LTA4H: variants seen among roughly 807,000 people sequenced by gnomAD.
LTA4H encodes leukotriene A-4 hydrolase.
LTA4H carries 59 observed loss-of-function variants against 89.8 expected under a neutral mutation model. That is an observed-to-expected ratio of 0.66 (90% confidence interval 0.53 to 0.82). LTA4H has a LOEUF of 0.82. Among genes scored for constraint, LTA4H ranks in the 40% least tolerant of loss-of-function variants. The probability of loss-of-function intolerance (pLI) is 0.00; values close to 1 mark genes in which losing one functional copy is unlikely to be tolerated. For missense variants in LTA4H, 617 were observed against 727.0 expected (o/e 0.85, Z 1.74); for synonymous variants, 227 against 253.1 (o/e 0.90, Z 0.98).
chr12:96,013,306 TC>T (rs770111220), intron 13 of LTA4H, 48 bp from the exon 14 acceptor site: 1 of 1,337,644 alleles, frequency 7.5e-7, no homozygotes, highest in South Asian at 1.2e-5. Context: ...CCCTTTCCTG[TC>T]AAAAAAAAAT....
chr12:96,025,447 C>T (rs1297488412), intron 3 of LTA4H: 5 of 152,206 alleles, frequency 3.3e-5, no homozygotes, highest in East Asian at 3.8e-4. Context: ...AGAACAGTCT[C>T]TTTCAATACC....
chr12:96,035,634 C>T (rs1592902975), upstream of LTA4H: 2 of 1,433,246 alleles, frequency 1.4e-6, no homozygotes, highest in East Asian at 5.2e-5. Context: ...GAGGGATTCG[C>T]GGTGCACGCC....
rs1322799814 is a variant in LTA4H, at chr12:96,002,256, CTT to C, written c.1718+702_1718+703del. On this transcript the variant is annotated intron_variant, in intron 18 of 18. Transcript: ENST00000228740. ...GAAAGCATATAAAATATACTTAAAA[CTT>C]AATTTTGTGGTCACATCAAAAAAGA... Among the ~76,000 whole-genome samples the C allele has an allele frequency of 3.3e-5, 5 of 152,262 alleles. No individual in the cohort carries two copies. In the East Asian group the frequency reaches 9.6e-4, roughly 29 times the overall value.
Position 96,006,345 on chromosome 12 carries a change from A to T in LTA4H, c.1499T>A (p.Leu500Ter). The part of the protein sequence containing the change: ...TDLKDLSSHQ[L>*]NEFLAQTLQR... ...GAGCGTCTGTGCTAAAAACTCATTC[A>T]ATTGATGAGAAGAGAGATCCTTCAG... is the stretch of plus-strand genomic sequence containing the variant. Residue 500 changes from leucine (L) to a stop codon, truncating the protein, a stop_gained, in exon 16 of 19, where the codon TTG becomes TAG. Transcript: ENST00000228740. LOFTEE classifies it high-confidence loss of function. The T allele has an allele frequency of 6.2e-7, 1 of 1,611,644 alleles. No individual in the cohort carries two copies. Among genetic ancestry groups the T allele is most frequent in the Non-Finnish European group, 8.5e-7 (1 of 1,178,764 alleles).
intron 5 of LTA4H, among the ~76,000 whole-genome samples, chr12:96,021,831 A>T (rs1950456889): frequency 6.6e-6 from 1 of 152,108 alleles, no homozygotes; most frequent in South Asian, 2.1e-4. Flanking sequence ...ACTTGCCCAC[A>T]CTGTAGTACC....
intron 4 of LTA4H, among the ~76,000 whole-genome samples, chr12:96,023,240 C>CTG (rs1950474493): frequency 6.6e-6 from 1 of 152,182 alleles, no homozygotes; most frequent in Admixed American, 6.5e-5. Flanking sequence ...ACCAGTGCTA[C>CTG]AACAATTGTA....
rs1425560668 is a variant in LTA4H, at chr12:96,015,639, C to G, written c.1003G>C (p.Gly335Arg). 6.2e-7 allele frequency: 1 copy of G among 1,614,018 alleles called. No homozygotes were observed. The highest frequency in any genetic ancestry group is 1.7e-5 in the Admixed American group (1 of 60,012). The change falls in exon 11 of 19, where the codon GGT becomes CGT. Residue 335 changes from glycine to arginine, a missense_variant. Gly to Arg is a moderately radical substitution (Grantham distance 125). Coordinates refer to ENST00000228740, the MANE Select transcript of LTA4H (RefSeq NM_000895.3). ...LERHICGRLF[G>R]EKFRHFNALG... ...GCATTAAAATGTCTGAACTTTTCAC[C>G]AAACAATCGTCCGCAAATGTGGCGT... is the stretch of plus-strand genomic sequence containing the variant.
chr12:96,037,930 T>A (rs1366439385), upstream of LTA4H, among the ~76,000 whole-genome samples: 1 of 152,144 alleles, frequency 6.6e-6, no homozygotes, highest in Non-Finnish European at 1.5e-5. Context: ...GACCTCGTGA[T>A]CCACCCACCT....
At chr12:96,016,184 T>C (rs931971524) in intron 10 of LTA4H, among the ~76,000 whole-genome samples, 5 of 150,104 alleles carry the variant, frequency 3.3e-5, no homozygotes, top group African/African-American at 1.2e-4. Flanking sequence ...CATGGTGGCG[T>C]GCACCTGTAG....
At chr12:96,004,161 T>G (rs528810936) in intron 16 of LTA4H, among the ~76,000 whole-genome samples, 3 of 152,362 alleles carry the variant, frequency 2.0e-5, no homozygotes, top group African/African-American at 7.2e-5. Flanking sequence ...CAGCATTAAA[T>G]GAGAATTGCT....
Position 96,013,945 on chromosome 12 carries a change from G to GAAC in LTA4H, c.1205-95_1205-93dup, listed in dbSNP as rs1485716550. 3 of 612,260 alleles carry GAAC rather than the reference G, an allele frequency of 4.9e-6. No individual in the cohort carries two copies. In the African/African-American group the frequency reaches 5.7e-5, roughly 12 times the overall value. The allele number at this position is 612,260 out of a possible 1,614,324, so 37.9% of individuals were successfully genotyped here. On this transcript the variant is annotated intron_variant, in intron 12 of 18. Coordinates refer to ENST00000228740, the MANE Select transcript of LTA4H (RefSeq NM_000895.3). ...TTGGCATTGTACTATTAACCACAGAGAACAGAGAACATTCAGAGAATAGGG... is the reference window on the plus strand; with the variant it reads ...TTGGCATTGTACTATTAACCACAGAGAACAACAGAGAACATTCAGAGAATAGGG...
At position 96,024,531 on chromosome 12, in the gene LTA4H, G is replaced by A. The variant is rs773972676; in HGVS notation, c.428C>T (p.Ala143Val). ...FSQCQAIHCR[A>V]ILPCQDTPSV... The stretch of plus-strand genomic sequence containing the variant: ...AGGAGTGTCCTGACAAGGAAGGATT[G>A]CTCTGCAGTGGATGGCCTGAAAAAG... The change falls in exon 4 of 19, where the codon GCA becomes GTA. Residue 143 changes from alanine to valine, a missense_variant. This residue lies in a region of LTA4H where 172 missense variants were observed against 244.5 expected (regional missense o/e 0.70). Transcript: ENST00000228740. 6.2e-7 allele frequency: 1 copy of A among 1,610,824 alleles called. No individual in the cohort carries two copies. The highest frequency in any genetic ancestry group is 8.5e-7 in the Non-Finnish European group (1 of 1,177,300).
chr12:96,042,008 G>C (rs1430283632), intron 1 of LTA4H, among the ~76,000 whole-genome samples: 2 of 137,584 alleles, frequency 1.5e-5, no homozygotes, highest in Non-Finnish European at 3.2e-5. Context: ...TTTTTTGACA[G>C]GGTCTTGCTT....
At chr12:96,038,145 G>C (rs1246572824), upstream of LTA4H, among the ~76,000 whole-genome samples, 1 of 152,188 alleles carries the variant, frequency 6.6e-6, no homozygotes, top group Non-Finnish European at 1.5e-5. Context: ...AAAGATTTCA[G>C]AGGTGTGAGG....
intron 8 of LTA4H, 144 bp downstream of exon 8, chr12:96,018,619 G>T: frequency 2.2e-6 from 1 of 461,058 alleles, no homozygotes; most frequent in Non-Finnish European, 3.6e-6. Flanking sequence ...AAGGTTACAC[G>T]AACAAGAGAA....
intron 14 of LTA4H, chr12:96,011,737 T>C (rs570232062): frequency 3.3e-5 from 5 of 152,348 alleles, no homozygotes; most frequent in African/African-American, 4.8e-5. Context: ...TCATTTTTAA[T>C]TTCTTCTTTT....
intron 2 of LTA4H, chr12:96,028,116 G>A (rs1950532063): frequency 6.6e-6 from 1 of 152,288 alleles, no homozygotes; most frequent in Non-Finnish European, 1.5e-5. Flanking sequence ...TTATTGCATT[G>A]TACAAAAGTA....
rs765372848 is a variant in LTA4H at position 96,018,896 on chromosome 12, G to C, written c.719C>G (p.Ser240Cys). The C allele has an allele frequency of 1.3e-6, 2 of 1,579,402 alleles. No homozygotes were observed. The highest frequency in any genetic ancestry group is 4.0e-5 in the Admixed American group (2 of 50,404). ...CAGATCTTCTGCTATTTTAAGCATAGATTCAGTCTGAAAAATCAACATATA... is the reference window on the plus strand; with the variant it reads ...CAGATCTTCTGCTATTTTAAGCATACATTCAGTCTGAAAAATCAACATATA... ...KSAYEFSETESMLKIAEDLGG... is the reference protein window; with the variant it reads ...KSAYEFSETECMLKIAEDLGG... The change falls in exon 8 of 19, where the codon TCT (serine) becomes TGT (cysteine). Residue 240 changes from serine to cysteine, a missense_variant. Physicochemically the swap from Ser to Cys is moderately radical, Grantham distance 112. Transcript: ENST00000228740.
chr12:96,014,229 T>C (rs1217963806), intron 12 of LTA4H: 1 of 177,624 alleles, frequency 5.6e-6, no homozygotes, highest in African/African-American at 2.4e-5. Flanking sequence ...TCCAAGTCAA[T>C]CAACCAAGGA....
Sources: gnomAD v4.1 joint callset for allele counts (sites outside exome capture counted in the v4.1 genomes callset) on GRCh38, gnomAD v4.1.1 for gene constraint, gnomAD v4.1.1 regional missense constraint, MANE v1.5 for transcripts, NCBI Gene and HGNC (gene_info 2026-07-23, HGNC 2026-07-21) for gene names.